FMNL2: variants seen among roughly 807,000 people sequenced by gnomAD.
The protein encoded by FMNL2 is formin like 2.
A neutral mutation model predicts 130.2 loss-of-function variants in FMNL2; 51 were observed. That is an observed-to-expected ratio of 0.39 (90% CI 0.31 to 0.49). FMNL2 has a LOEUF of 0.49. FMNL2 is among the 20% of genes least tolerant of loss of function. The probability of loss-of-function intolerance (pLI) is 0.85; values close to 1 mark genes in which losing one functional copy is unlikely to be tolerated. For missense variants in FMNL2, 977 were observed against 1,316.2 expected (o/e 0.74, Z 3.99); for synonymous variants, 465 against 467.1 (o/e 1.00, Z 0.06).
intron 13 of FMNL2, 97 bp downstream of exon 13, chr2:152,617,289 T>G: frequency 2.0e-6 from 2 of 1,020,620 alleles, no homozygotes; most frequent in Admixed American, 2.3e-5. Flanking sequence ...TTCAGAGGAA[T>G]GCATTGATGC....
At chr2:152,587,491 C>T (rs1259085839) in intron 9 of FMNL2, among the ~76,000 whole-genome samples, 1 of 152,142 alleles carries the variant, frequency 6.6e-6, no homozygotes, top group Non-Finnish European at 1.5e-5. Context: ...CAATCCAATA[C>T]TTGGTTTTTC....
At chr2:152,383,083 A>AC (rs1170845214) in intron 1 of FMNL2, among the ~76,000 whole-genome samples, 2 of 152,186 alleles carry the variant, frequency 1.3e-5, no homozygotes, top group Non-Finnish European at 2.9e-5. Flanking sequence ...CGACTAAGTT[A>AC]CTGGCTTAAA....
chr2:152,355,419 G>A (rs555902622), intron 1 of FMNL2, among the ~76,000 whole-genome samples: 16 of 152,264 alleles, frequency 1.1e-4, no homozygotes, highest in Non-Finnish European at 1.5e-5. Flanking sequence ...TCTTGTCTTG[G>A]TTTCCATTCA....
Position 152,519,273 on chromosome 2 carries a change from A to G in FMNL2, c.118-2670A>G, listed in dbSNP as rs551256028. Among the ~76,000 whole-genome samples the G allele has an allele frequency of 1.2e-3, 179 of 152,190 alleles. 1 individual carries two copies. The highest frequency in any genetic ancestry group is 1.8e-3 in the Non-Finnish European group (121 of 68,002). ...GTTTAAAAAGCTTTGTTTGTTTCAT[A>G]TGTGTCTCCCCACCATAACACAGTG... On this transcript the variant is annotated intron_variant, in intron 1 of 25. Coordinates refer to ENST00000288670, the MANE Select transcript of FMNL2 (RefSeq NM_052905.4).
intron 1 of FMNL2, among the ~76,000 whole-genome samples, chr2:152,459,587 G>T (rs867082200): frequency 2.0e-5 from 3 of 152,054 alleles, no homozygotes; most frequent in Admixed American, 6.5e-5. Context: ...CTTTATAGAC[G>T]TTGAAAGGGA....
chr2:152,435,102 T>C (rs563136414), intron 1 of FMNL2, among the ~76,000 whole-genome samples: 3 of 152,294 alleles, frequency 2.0e-5, no homozygotes, highest in Non-Finnish European at 4.4e-5. Context: ...TCTGGAGGCA[T>C]TGGACTCATA....
At chr2:152,596,233 A>G (rs1435332895) in intron 9 of FMNL2, among the ~76,000 whole-genome samples, 1 of 151,830 alleles carries the variant, frequency 6.6e-6, no homozygotes, top group Non-Finnish European at 1.5e-5. Context: ...GCAGTGCTGA[A>G]ATTACAGGCA....
At chr2:152,643,353 A>G in intron 25 of FMNL2, 2 of 1,533,506 alleles carry the variant, frequency 1.3e-6, no homozygotes, top group Non-Finnish European at 1.7e-6. Flanking sequence ...ACCATGTACT[A>G]ATGCAATAGA....
chr2:152,545,173 T>C (rs965590749), intron 3 of FMNL2, among the ~76,000 whole-genome samples: 2 of 152,172 alleles, frequency 1.3e-5, no homozygotes, highest in Admixed American at 1.3e-4. Flanking sequence ...CACAACATAA[T>C]TGTAATGCTT....
intron 1 of FMNL2, among the ~76,000 whole-genome samples, chr2:152,408,821 G>A (rs1456648572): frequency 6.6e-6 from 1 of 152,108 alleles, no homozygotes; most frequent in Non-Finnish European, 1.5e-5. Context: ...AAACAGAATG[G>A]TCGTATGGGT....
At chr2:152,635,171 G>C (rs1044289811) in intron 21 of FMNL2, among the ~76,000 whole-genome samples, 2 of 152,136 alleles carry the variant, frequency 1.3e-5, no homozygotes, top group Admixed American at 6.5e-5. Flanking sequence ...TTTCAAATTT[G>C]CTTTAAAAGA....
chr2:152,399,488 G>T (rs1332418101), intron 1 of FMNL2, among the ~76,000 whole-genome samples: 2 of 152,170 alleles, frequency 1.3e-5, no homozygotes, highest in Non-Finnish European at 2.9e-5. Context: ...CAAAAGCCTG[G>T]GTGGGGAACC....
At chr2:152,592,452 G>T (rs926156044) in intron 9 of FMNL2, among the ~76,000 whole-genome samples, 7 of 151,884 alleles carry the variant, frequency 4.6e-5, no homozygotes, top group African/African-American at 1.5e-4. Context: ...TTTGTTTGTT[G>T]GTTTCTTTTA....
chr2:152,589,997 GTATATA>G lies in FMNL2; in HGVS notation c.876+8955_876+8960del, dbSNP rs1325819402. Among the ~76,000 whole-genome samples, 92 of 66,002 alleles carry G rather than the reference GTATATA, an allele frequency of 1.4e-3. 3 individuals are homozygous for G. Among genetic ancestry groups the G allele is most frequent in the African/African-American group, 5.3e-3 (87 of 16,284 alleles). The allele number at this position is 66,002 out of a possible 152,430, so 43.3% of individuals were successfully genotyped here. The stretch of plus-strand genomic sequence containing the variant: ...TATATATATATATGTATATGTATAT[GTATATA>G]TATATACATATACATATATATATAC... On this transcript the variant is annotated intron_variant, in intron 9 of 25. Transcript: ENST00000288670.
chr2:152,431,626 T>C (rs756009561), intron 1 of FMNL2, among the ~76,000 whole-genome samples: 10 of 152,128 alleles, frequency 6.6e-5, no homozygotes, highest in Admixed American at 2.0e-4. Context: ...AAACTTGGAG[T>C]ACCTTGACCA....
chr2:152,537,012 T>C (rs1009918397), intron 2 of FMNL2, among the ~76,000 whole-genome samples: 1 of 152,148 alleles, frequency 6.6e-6, no homozygotes, highest in Non-Finnish European at 1.5e-5. Context: ...TTTCAAACCT[T>C]TACACAGAAA....
At chr2:152,647,319 T>C (rs1353036565) in intron 25 of FMNL2, among the ~76,000 whole-genome samples, 6 of 152,226 alleles carry the variant, frequency 3.9e-5, no homozygotes, top group Non-Finnish European at 5.9e-5. Flanking sequence ...ATGAAAATAA[T>C]AGAGCCCTTA....
intron 1 of FMNL2, among the ~76,000 whole-genome samples, chr2:152,446,810 A>G (rs1489747079): frequency 2.6e-5 from 4 of 152,198 alleles, no homozygotes; most frequent in African/African-American, 9.6e-5. Flanking sequence ...ATTTTTCTGT[A>G]TACCATTATA....
intron 1 of FMNL2, among the ~76,000 whole-genome samples, chr2:152,495,258 C>A (rs1691439171): frequency 6.6e-6 from 1 of 152,100 alleles, no homozygotes; most frequent in South Asian, 2.1e-4. Flanking sequence ...ATTTCAGGTA[C>A]TTTCTTTGAA....
Sources: allele counts gnomAD v4.1 joint callset (sites outside exome capture counted in the v4.1 genomes callset), GRCh38; gene constraint gnomAD v4.1.1; transcripts MANE v1.5; gene names NCBI Gene and HGNC (gene_info 2026-07-23, HGNC 2026-07-21).